Variants in ESCO1 observed in about 807,000 individuals in gnomAD.
The protein encoded by ESCO1 is N-acetyltransferase ESCO1.
A neutral mutation model predicts 83.5 loss-of-function variants in ESCO1; 33 were observed. The ratio of observed to expected loss-of-function variants is 0.40; its 90% CI spans 0.30 to 0.53. The LOEUF is 0.53. Among genes scored for constraint, ESCO1 ranks in the 20% least tolerant of loss-of-function variants. The probability of loss-of-function intolerance (pLI) is 0.63; values close to 1 mark genes in which losing one functional copy is unlikely to be tolerated. For synonymous variants in ESCO1, 332 were observed against 324.3 expected (o/e 1.02, Z -0.25); for missense variants, 855 against 968.0 (o/e 0.88, Z 1.55).
At chr18:21,538,676 G>T (rs2037867116) in intron 9 of ESCO1, among the ~76,000 whole-genome samples, 1 of 152,100 alleles carries the variant, frequency 6.6e-6, no homozygotes, top group Non-Finnish European at 1.5e-5. Context: ...TTCAGGTGAA[G>T]TATTCTTAAG....
At position 21,564,234 on chromosome 18, in the gene ESCO1, G is replaced by A; in HGVS notation, c.1790C>T (p.Ala597Val). The A allele has an allele frequency of 1.2e-6, 2 of 1,608,072 alleles. No individual in the cohort carries two copies. The highest frequency in any genetic ancestry group is 8.5e-7 in the Non-Finnish European group (1 of 1,176,794). ...CAACTGTTTTTCATCAGTTTTCTCTGCTTCTTTTAGTTTCAAGTCCTTTGG... is the reference window on the plus strand; with the variant it reads ...CAACTGTTTTTCATCAGTTTTCTCTACTTCTTTTAGTTTCAAGTCCTTTGG... ...TIPKDLKLKEAEKTDEKQLII... is the reference protein window; with the variant it reads ...TIPKDLKLKEVEKTDEKQLII... Residue 597 changes from alanine to valine, a missense_variant, in exon 7 of 12, where the codon GCA becomes GTA. Ala to Val is a moderately conservative substitution (Grantham distance 64). This residue lies in a region of ESCO1 where 726 missense variants were observed against 699.5 expected (regional missense o/e 1.04). Coordinates refer to ENST00000269214, the MANE Select transcript of ESCO1 (RefSeq NM_052911.3).
intron 8 of ESCO1, among the ~76,000 whole-genome samples, chr18:21,551,476 T>C (rs2038047395): frequency 6.6e-6 from 1 of 152,142 alleles, no homozygotes; most frequent in African/African-American, 2.4e-5. Flanking sequence ...TGAACTGATC[T>C]TCAGAGATGA....
intron 9 of ESCO1, among the ~76,000 whole-genome samples, chr18:21,536,940 G>C (rs1467084177): frequency 6.6e-6 from 1 of 152,144 alleles, no homozygotes; most frequent in Admixed American, 6.5e-5. Context: ...TTATAGGCCA[G>C]ACATTATTCA....
intron 8 of ESCO1, among the ~76,000 whole-genome samples, chr18:21,558,572 T>G (rs1436690788): frequency 3.3e-5 from 5 of 151,994 alleles, no homozygotes; most frequent in African/African-American, 1.2e-4. Context: ...CTACTAAAAA[T>G]ACAAAAATTA....
intron 1 of ESCO1, among the ~76,000 whole-genome samples, chr18:21,588,959 C>G (rs989401096): frequency 6.6e-6 from 1 of 150,974 alleles, no homozygotes; most frequent in Non-Finnish European, 1.5e-5. Flanking sequence ...TAGATAACAT[C>G]GGCTGGGCGC....
At chr18:21,532,038 GAC>G (rs2037773755) in intron 11 of ESCO1, among the ~76,000 whole-genome samples, 1 of 151,842 alleles carries the variant, frequency 6.6e-6, no homozygotes, top group Admixed American at 6.6e-5. Context: ...TGATATCTCT[GAC>G]AGTCAAGTGA....
intron 8 of ESCO1, among the ~76,000 whole-genome samples, chr18:21,545,572 C>CAA (rs766178068): frequency 4.3e-5 from 4 of 93,432 alleles, no homozygotes; most frequent in Admixed American, 2.3e-4. Flanking sequence ...GACACCGTCT[C>CAA]AAAAAAAAAA....
intron 1 of ESCO1, among the ~76,000 whole-genome samples, chr18:21,590,931 G>A (rs868241342): frequency 5.3e-4 from 80 of 150,014 alleles, no homozygotes; most frequent in African/African-American, 1.8e-3. Context: ...ACGACAGAGC[G>A]AGACTGTCTC....
chr18:21,555,053 G>A (rs901178644), intron 8 of ESCO1, among the ~76,000 whole-genome samples: 2 of 152,116 alleles, frequency 1.3e-5, no homozygotes, highest in East Asian at 1.9e-4. Flanking sequence ...CAGAGATCAC[G>A]CCACTGCACT....
At position 21,529,768 on chromosome 18, in the gene ESCO1, A is replaced by C. The variant is rs964512725; in HGVS notation, c.*575T>G. 1 of 152,270 alleles carries C rather than the reference A, an allele frequency of 6.6e-6. No homozygotes were observed. Among genetic ancestry groups the C allele is most frequent in the Non-Finnish European group, 1.5e-5 (1 of 68,032 alleles). The allele number at this position is 152,270 out of a possible 1,614,324, so 9.4% of individuals were successfully genotyped here. ...CAGGAAAAAAAAGCTCAATATTCTA[A>C]TTCTTCCTATTTAGCTGGAGCTTTC... is the stretch of plus-strand genomic sequence containing the variant. On this transcript the variant is annotated 3_prime_UTR_variant, in exon 12 of 12. Transcript: ENST00000269214.
At chr18:21,567,858 G>T (rs1284768321) in intron 5 of ESCO1, 122 bp downstream of exon 5, 3 of 661,406 alleles carry the variant, frequency 4.5e-6, no homozygotes, top group Non-Finnish European at 7.4e-6. Context: ...TCACATATTT[G>T]AAAAATACAG....
In ESCO1 at chr18:21,579,771, GACAC is replaced by G. The variant is rs200274564; in HGVS notation, c.-693-3998_-693-3995del. ...AGCCTGGGCAACAGAGCGAGATTCT[GACAC>G]ACACACACACGCGCGCGCGCACACA... is the stretch of plus-strand genomic sequence containing the variant. On this transcript the variant is annotated intron_variant, in intron 2 of 11. Coordinates refer to ENST00000269214, the MANE Select transcript of ESCO1 (RefSeq NM_052911.3). Among the ~76,000 whole-genome samples, 1,078 of 117,842 alleles carry G rather than the reference GACAC, an allele frequency of 9.1e-3. 30 individuals are homozygous for G. The highest frequency in any genetic ancestry group is 0.035 in the African/African-American group (1,031 of 29,350). 77.3% of individuals were successfully genotyped at this position (117,842 alleles called of 152,430 possible). A position where few individuals can be genotyped will look rare whatever the true frequency, so the allele number is the denominator to read the frequency against.
At chr18:21,581,173 C>T (rs960829182) in intron 2 of ESCO1, among the ~76,000 whole-genome samples, 1 of 151,824 alleles carries the variant, frequency 6.6e-6, no homozygotes, top group Non-Finnish European at 1.5e-5. Context: ...ATTATCTGGG[C>T]GTGGTGGCGG....
At position 21,574,423 on chromosome 18, in the gene ESCO1, T is replaced by G; in HGVS notation, c.421A>C (p.Ile141Leu). 5 of 1,614,168 alleles carry G rather than the reference T, an allele frequency of 3.1e-6. No homozygotes were observed. In the South Asian group the frequency reaches 5.5e-5, roughly 18 times the overall value. The change falls in exon 4 of 12, where the codon ATT becomes CTT. Residue 141 changes from isoleucine (I) to leucine (L), a missense_variant. Coordinates refer to ENST00000269214, the MANE Select transcript of ESCO1 (RefSeq NM_052911.3). Reference protein sequence around the residue: ...VSRRSLRSREIQGQVQAVKQS... With the variant: ...VSRRSLRSRELQGQVQAVKQS... ...TTAACTGCTTGAACTTGACCCTGAA[T>G]TTCTCTACTGCGTAACGACCTTCTT...
At chr18:21,599,669 T>C (rs911359841) in intron 1 of ESCO1, among the ~76,000 whole-genome samples, 8 of 152,132 alleles carry the variant, frequency 5.3e-5, no homozygotes, top group Non-Finnish European at 1.2e-4. Flanking sequence ...ACATGGTTCA[T>C]AGTACTTCTC....
Position 21,573,502 on chromosome 18 carries a change from T to C in ESCO1, c.1342A>G (p.Ile448Val). Residue 448 changes from isoleucine (I) to valine (V), a missense_variant, in exon 4 of 12, where the codon ATA (isoleucine) becomes GTA (valine). Ile to Val is a conservative substitution (Grantham distance 29). Transcript: ENST00000269214. ...TTCATTTTTTCCTGCTGGCAAGTTA[T>C]ATTTCTATCATGTAGCTTTGTCCCT... Reference protein sequence around the residue: ...FLGTKLHDRNITCQQEKMKEI... With the variant: ...FLGTKLHDRNVTCQQEKMKEI... 2.5e-6 allele frequency: 4 copies of C among 1,612,880 alleles called. No homozygotes were observed. Among genetic ancestry groups the C allele is most frequent in the Non-Finnish European group, 2.5e-6 (3 of 1,179,742 alleles).
Position 21,560,841 on chromosome 18 carries a change from T to C in ESCO1, c.1953+18A>G. 1 of 1,595,936 alleles carries C rather than the reference T, an allele frequency of 6.3e-7. No homozygotes were observed. ...ATTATCTGATTTTTGCATTTTAGAA[T>C]TCACAAATTCCACTTACCACATATT... On this transcript the variant is annotated intron_variant, in intron 8 of 11. Coordinates refer to ENST00000269214, the MANE Select transcript of ESCO1 (RefSeq NM_052911.3).
intron 5 of ESCO1, 63 bp from the exon 6 acceptor site, chr18:21,566,269 A>G: frequency 1.4e-6 from 2 of 1,446,388 alleles, no homozygotes; most frequent in Non-Finnish European, 1.9e-6. Context: ...CATCTAATGG[A>G]TAAAATCATT....
intron 1 of ESCO1, among the ~76,000 whole-genome samples, chr18:21,593,756 T>G (rs903731418): frequency 2.6e-5 from 4 of 151,974 alleles, no homozygotes; most frequent in Non-Finnish European, 5.9e-5. Flanking sequence ...TCTAGTGGCT[T>G]GTCAAATTCA....
Sources: gnomAD v4.1 joint callset for allele counts (sites outside exome capture counted in the v4.1 genomes callset) on GRCh38, gnomAD v4.1.1 for gene constraint, gnomAD v4.1.1 regional missense constraint, MANE v1.5 for transcripts, NCBI Gene and HGNC (gene_info 2026-07-23, HGNC 2026-07-21) for gene names.